TANGO2: variants seen among roughly 807,000 people sequenced by gnomAD.
TANGO2 encodes transport and golgi organization 2 homolog, also known as transport and Golgi organization protein 2 homolog.
In TANGO2, 26 loss-of-function variants were observed where a neutral mutation model predicts 39.1. The observed-to-expected ratio is 0.67, with a 90% confidence interval of 0.49 to 0.92. The LOEUF (loss-of-function observed/expected upper bound fraction) is 0.92, where lower values mean the gene tolerates loss of function less well. TANGO2 is among the 40% of genes least tolerant of loss of function. The probability of loss-of-function intolerance (pLI) is 0.00; values close to 1 mark genes in which losing one functional copy is unlikely to be tolerated. For missense variants in TANGO2, 326 were observed against 360.1 expected (o/e 0.91, Z 0.77); for synonymous variants, 131 against 144.5 (o/e 0.91, Z 0.67).
chr22:20,042,294 C>T (rs939402267), intron 2 of TANGO2, among the ~76,000 whole-genome samples: 5 of 152,112 alleles, frequency 3.3e-5, no homozygotes, highest in Admixed American at 1.3e-4. Flanking sequence ...GCCCAGCCAT[C>T]GCTTCTTAGA....
chr22:20,062,878 T>C (rs419135), intron 7 of TANGO2: 60,259 of 156,270 alleles, frequency 0.39, 12,005 homozygotes, highest in East Asian at 0.64. Flanking sequence ...CCCAGCACTT[T>C]GGGAAGCCGA....
chr22:20,056,517 C>A, intron 6 of TANGO2: 1 of 456,912 alleles, frequency 2.2e-6, no homozygotes, highest in Middle Eastern at 3.3e-4. Context: ...TCACACTCCA[C>A]GGCTGGGCCC....
Position 20,041,294 on chromosome 22 carries a change from C to G in TANGO2, c.57-2061C>G, listed in dbSNP as rs1396673665. The stretch of plus-strand genomic sequence containing the variant: ...TCGAGCAGCTGGGATTACAGGCGCC[C>G]GCCACCACACCCGGCTAATTTTTTT... On this transcript the variant is annotated intron_variant, in intron 2 of 8. Transcript: ENST00000327374. Among the ~76,000 whole-genome samples, 3 of 151,712 alleles carry G rather than the reference C, an allele frequency of 2.0e-5. No individual in the cohort carries two copies. In the East Asian group the frequency reaches 5.8e-4, roughly 29 times the overall value.
intron 3 of TANGO2, among the ~76,000 whole-genome samples, chr22:20,051,634 T>G (rs2147488061): frequency 6.6e-6 from 1 of 152,264 alleles, no homozygotes; most frequent in East Asian, 1.9e-4. Context: ...GGAGGATCGC[T>G]TGAGCCCAGG....
chr22:20,033,227 G>A lies in TANGO2; in HGVS notation c.-39-3533G>A, dbSNP rs139002846. 2.0e-3 allele frequency: 1,072 copies of A among 528,224 alleles called. 9 individuals are homozygous for A. The highest frequency in any genetic ancestry group is 0.018 in the African/African-American group (917 of 51,644). 32.7% of individuals were successfully genotyped at this position (528,224 alleles called of 1,614,324 possible). ...CTCTGGTCCTTCCCTCCCAATGACC[G>A]CGTCTTCGTCGAGGCCACAGCCCTT... is the stretch of plus-strand genomic sequence containing the variant. On this transcript the variant is annotated intron_variant, in intron 1 of 8. Transcript: ENST00000327374.
chr22:20,061,475 T>G, intron 6 of TANGO2, 55 bp from the exon 7 acceptor site: 1 of 1,529,866 alleles, frequency 6.5e-7, no homozygotes, highest in Non-Finnish European at 8.8e-7. Context: ...GGTGGCAATT[T>G]GCCCTGACAT....
chr22:20,024,880 G>A (rs568671197), intron 1 of TANGO2, among the ~76,000 whole-genome samples: 6 of 152,092 alleles, frequency 3.9e-5, no homozygotes, highest in Admixed American at 2.0e-4. Flanking sequence ...GTGTTGCTGC[G>A]ACAGCCCAGC....
chr22:20,047,319 C>T (rs541916696), intron 3 of TANGO2, among the ~76,000 whole-genome samples: 16 of 151,708 alleles, frequency 1.1e-4, no homozygotes, highest in African/African-American at 2.7e-4. Context: ...CCACAAGCTC[C>T]GCCTCCAAGG....
Position 20,052,584 on chromosome 22 carries a change from G to T in TANGO2, c.265G>T (p.Gly89Cys), listed in dbSNP as rs1313698326. ...PQLDWQARGR[G>C]ELVTHFLTTD... ...GCTGGACTGGCAGGCCCGAGGGCGA[G>T]GTAAGGCGAGTGGGGTGGGGCCAAG... The change falls in exon 4 of 9, where the codon GGT (glycine) becomes TGT (cysteine). Residue 89 changes from glycine to cysteine, a missense_variant and splice_region_variant. By Grantham distance (159) the Gly-to-Cys change is radical (BLOSUM62 -3). Transcript: ENST00000327374. 6 of 1,562,512 alleles carry T rather than the reference G, an allele frequency of 3.8e-6. No homozygotes were observed. The highest frequency in any genetic ancestry group is 1.4e-5 in the African/African-American group (1 of 73,826).
intron 1 of TANGO2, among the ~76,000 whole-genome samples, chr22:20,024,643 T>C (rs1033486797): frequency 2.0e-5 from 3 of 152,208 alleles, no homozygotes; most frequent in African/African-American, 4.8e-5. Context: ...GGACTCACCA[T>C]GTGCAGCCCC....
intron 5 of TANGO2, 75 bp from the exon 6 acceptor site, chr22:20,055,868 C>CT (rs1256572660): frequency 3.0e-6 from 4 of 1,314,896 alleles, no homozygotes; most frequent in Non-Finnish European, 4.4e-6. Flanking sequence ...AGAAACAGGG[C>CT]TGTGAGATCA....
At position 20,057,145 on chromosome 22, in the gene TANGO2, G is replaced by A; in HGVS notation, c.451+1132G>A. ...ACTGAAGCCCCAGGCGTCCCTGGAGGGGCCCGAGGGAGATGATAAGCAGTC... is the reference window on the plus strand; with the variant it reads ...ACTGAAGCCCCAGGCGTCCCTGGAGAGGCCCGAGGGAGATGATAAGCAGTC... On this transcript the variant is annotated intron_variant, in intron 6 of 8. Transcript: ENST00000327374. The surrounding 1 kb of genome is among the most constrained non-coding windows in gnomAD (Gnocchi z 4.1). The A allele has an allele frequency of 2.8e-6, 1 of 362,194 alleles. No individual in the cohort carries two copies. Among genetic ancestry groups the A allele is most frequent in the Non-Finnish European group, 5.5e-6 (1 of 182,392 alleles). The allele number at this position is 362,194 out of a possible 1,614,324, so 22.4% of individuals were successfully genotyped here.
chr22:20,052,762 C>A (rs902742630), intron 4 of TANGO2, among the ~76,000 whole-genome samples, 178 bp downstream of exon 4: 2 of 151,672 alleles, frequency 1.3e-5, no homozygotes, highest in Non-Finnish European at 2.9e-5. Flanking sequence ...GCTGAGGTAC[C>A]GTGGGGCAGG....
At chr22:20,040,270 C>T (rs781144759) in intron 2 of TANGO2, among the ~76,000 whole-genome samples, 3 of 152,218 alleles carry the variant, frequency 2.0e-5, no homozygotes, top group Non-Finnish European at 4.4e-5. Flanking sequence ...TATATAATTG[C>T]TCCTTGTTTA....
intron 3 of TANGO2, among the ~76,000 whole-genome samples, chr22:20,045,990 C>T (rs2045100534): frequency 6.6e-6 from 1 of 152,060 alleles, no homozygotes; most frequent in South Asian, 2.1e-4. Context: ...ACTCCCTGCC[C>T]TGTGTGAGCA....
intron 2 of TANGO2, among the ~76,000 whole-genome samples, chr22:20,041,635 A>G (rs561663280): frequency 1.3e-5 from 2 of 151,826 alleles, no homozygotes; most frequent in South Asian, 2.1e-4. Flanking sequence ...TTTAATAGAG[A>G]TGGGGTTTCA....
At chr22:20,036,477 G>T (rs1012206045) in intron 1 of TANGO2, among the ~76,000 whole-genome samples, 1 of 152,138 alleles carries the variant, frequency 6.6e-6, no homozygotes, top group Non-Finnish European at 1.5e-5. Flanking sequence ...ACCCCAGCTC[G>T]GTGTGTCCAG....
chr22:20,045,653 A>G (rs905499828), intron 3 of TANGO2, among the ~76,000 whole-genome samples: 1 of 151,786 alleles, frequency 6.6e-6, no homozygotes, highest in African/African-American at 2.4e-5. Context: ...ACAGGCATGC[A>G]CCACCACACC....
intron 3 of TANGO2, among the ~76,000 whole-genome samples, chr22:20,045,496 C>T (rs1449794225): frequency 7.2e-6 from 1 of 137,946 alleles, no homozygotes; most frequent in Non-Finnish European, 1.5e-5. Context: ...TTGGCCATCA[C>T]TTCTTTTTTT....
Sources: gnomAD v4.1 joint callset for allele counts (sites outside exome capture counted in the v4.1 genomes callset) on GRCh38, gnomAD v4.1.1 for gene constraint, Gnocchi (gnomAD v3.1) non-coding constraint, MANE v1.5 for transcripts, NCBI Gene and HGNC (gene_info 2026-07-23, HGNC 2026-07-21) for gene names.